Variants in DCDC1 observed in about 807,000 individuals in gnomAD.
DCDC1 encodes doublecortin domain-containing protein 1.
In DCDC1, 200 loss-of-function variants were observed where a neutral mutation model predicts 178.3. The ratio of observed to expected loss-of-function variants is 1.12; its 90% CI spans 1.00 to 1.26. DCDC1 has a LOEUF of 1.26. Among genes scored for constraint, DCDC1 ranks in the 50% most tolerant of loss-of-function variants. The pLI, the probability that DCDC1 is intolerant of heterozygous loss-of-function variation, is 0.00. For missense variants in DCDC1, 1,983 were observed against 1,749.2 expected (o/e 1.13, Z -2.38); for synonymous variants, 690 against 604.8 (o/e 1.14, Z -2.07).
At chr11:31,305,881 G>A (rs1948425414) in intron 5 of DCDC1, 104 bp from the exon 6 acceptor site, 3 of 1,317,466 alleles carry the variant, frequency 2.3e-6, no homozygotes, top group African/African-American at 1.5e-5. Flanking sequence ...ACCCAATTGA[G>A]TCACTTGCCA....
At chr11:31,052,779 G>A (rs1955344086) in intron 20 of DCDC1, among the ~76,000 whole-genome samples, 1 of 152,156 alleles carries the variant, frequency 6.6e-6, no homozygotes, top group South Asian at 2.1e-4. Context: ...AACATTCTTT[G>A]AGCTGAGTAA....
intron 20 of DCDC1, among the ~76,000 whole-genome samples, chr11:30,967,509 A>G (rs531461137): frequency 7.9e-5 from 12 of 152,298 alleles, no homozygotes; most frequent in Non-Finnish European, 1.6e-4. Context: ...CTTATACACC[A>G]ACAACAGACA....
intron 9 of DCDC1, among the ~76,000 whole-genome samples, chr11:31,224,159 A>G (rs969042817): frequency 6.6e-6 from 1 of 152,124 alleles, no homozygotes; most frequent in Non-Finnish European, 1.5e-5. Context: ...TGTAAGTTCA[A>G]TTAAAACTCT....
intron 20 of DCDC1, among the ~76,000 whole-genome samples, chr11:31,042,263 T>C (rs1038842158): frequency 2.6e-5 from 4 of 152,190 alleles, no homozygotes; most frequent in African/African-American, 9.6e-5. Flanking sequence ...GAGGATTGTA[T>C]CAATAATTCA....
intron 21 of DCDC1, among the ~76,000 whole-genome samples, chr11:30,936,477 T>C (rs1304372852): frequency 1.3e-5 from 2 of 152,172 alleles, no homozygotes; most frequent in Admixed American, 1.3e-4. Context: ...AAACCTTCCA[T>C]AATTTCCCTT....
At chr11:30,982,570 G>T (rs1015805901) in intron 20 of DCDC1, among the ~76,000 whole-genome samples, 3 of 147,848 alleles carry the variant, frequency 2.0e-5, no homozygotes, top group Admixed American at 2.0e-4. Flanking sequence ...ACTGTGTTTT[G>T]TTTGATTCCA....
chr11:30,895,122 T>A (rs1381205444), intron 34 of DCDC1, among the ~76,000 whole-genome samples: 1 of 152,240 alleles, frequency 6.6e-6, no homozygotes, highest in Non-Finnish European at 1.5e-5. Context: ...CCACATTTCA[T>A]ATTGATCTCT....
chr11:31,360,265 G>A (rs1951639507), intron 1 of DCDC1, among the ~76,000 whole-genome samples: 1 of 152,124 alleles, frequency 6.6e-6, no homozygotes, highest in Admixed American at 6.5e-5. Flanking sequence ...CCGAGGTATG[G>A]ATAGCTGTTC....
intron 1 of DCDC1, among the ~76,000 whole-genome samples, chr11:31,354,528 A>G (rs769127041): frequency 2.0e-5 from 3 of 152,192 alleles, no homozygotes; most frequent in Non-Finnish European, 4.4e-5. Context: ...TGGTAATTAT[A>G]CAGCTTAGTT....
At chr11:31,028,230 C>A (rs1422059202) in intron 20 of DCDC1, among the ~76,000 whole-genome samples, 3 of 151,800 alleles carry the variant, frequency 2.0e-5, no homozygotes, top group African/African-American at 4.8e-5. Context: ...ATTCTTAATA[C>A]AAATGCATAA....
chr11:31,148,110 C>A (rs931049063), intron 9 of DCDC1, among the ~76,000 whole-genome samples: 15 of 146,614 alleles, frequency 1.0e-4, no homozygotes, highest in African/African-American at 3.8e-4. Flanking sequence ...CTGATCATGG[C>A]AGAATATCTA....
intron 23 of DCDC1, among the ~76,000 whole-genome samples, chr11:30,923,860 A>G (rs901480866): frequency 6.6e-6 from 1 of 151,982 alleles, no homozygotes; most frequent in African/African-American, 2.4e-5. Flanking sequence ...CAGGTGATCC[A>G]CCCACCTCGG....
At chr11:31,169,408 G>A (rs1966931997) in intron 9 of DCDC1, among the ~76,000 whole-genome samples, 1 of 152,140 alleles carries the variant, frequency 6.6e-6, no homozygotes, top group Non-Finnish European at 1.5e-5. Context: ...GGAAACTGGG[G>A]ATATAGATTC....
intron 21 of DCDC1, 141 bp downstream of exon 21, chr11:30,952,304 G>T: frequency 3.1e-6 from 2 of 646,404 alleles, no homozygotes; most frequent in South Asian, 9.8e-5. Context: ...TTAATTGATA[G>T]AACAACAGAA....
chr11:31,160,411 T>C (rs931758385), intron 9 of DCDC1, among the ~76,000 whole-genome samples: 37 of 152,210 alleles, frequency 2.4e-4, no homozygotes, highest in African/African-American at 8.9e-4. Flanking sequence ...TATATAAATG[T>C]TACATGCTTC....
chr11:31,096,551 G>A lies in DCDC1; in HGVS notation c.1984-2367C>T, dbSNP rs117969184. ...AACAGTTGGCTTATTGGTGAAGAGT[G>A]AAGGGGTCCTTTGTCTCTGCCTTGG... is the stretch of plus-strand genomic sequence containing the variant. On this transcript the variant is annotated intron_variant, in intron 15 of 38. Transcript: ENST00000684477. Among the ~76,000 whole-genome samples, 366 of 152,282 alleles carry A rather than the reference G, an allele frequency of 2.4e-3. 6 individuals are homozygous for A. In the East Asian group the frequency reaches 0.048, roughly 20 times the overall value.
chr11:31,209,681 TAA>T (rs1418913441), intron 9 of DCDC1, among the ~76,000 whole-genome samples: 4 of 152,180 alleles, frequency 2.6e-5, no homozygotes, highest in Admixed American at 2.6e-4. Context: ...AAAAGTCATT[TAA>T]GGGGTTGGAC....
At chr11:30,980,192 C>T (rs1950323231) in intron 20 of DCDC1, among the ~76,000 whole-genome samples, 1 of 152,148 alleles carries the variant, frequency 6.6e-6, no homozygotes, top group Admixed American at 6.6e-5. Flanking sequence ...TGGCATATAA[C>T]TCACACCAAA....
chr11:31,015,067 C>T (rs1952406158), intron 20 of DCDC1, among the ~76,000 whole-genome samples: 1 of 151,982 alleles, frequency 6.6e-6, no homozygotes, highest in African/African-American at 2.4e-5. Context: ...CTGCCTCAGC[C>T]TCCCAAGTAG....
Sources: gnomAD v4.1 joint callset for allele counts (sites outside exome capture counted in the v4.1 genomes callset) on GRCh38, gnomAD v4.1.1 for gene constraint, MANE v1.5 for transcripts, NCBI Gene and HGNC (gene_info 2026-07-23, HGNC 2026-07-21) for gene names.